Variants in ZNFX1 observed in about 807,000 individuals in gnomAD.
ZNFX1 encodes zinc finger NFX1-type containing 1, also known as NFX1-type zinc finger-containing protein 1.
Under a neutral mutation model 179.8 loss-of-function variants are expected in ZNFX1, and 78 were observed. The ratio of observed to expected loss-of-function variants is 0.43; its 90% CI spans 0.36 to 0.52. ZNFX1 has a LOEUF of 0.52. Among genes scored for constraint, ZNFX1 ranks in the 20% least tolerant of loss-of-function variants. The pLI is 0.00. For synonymous variants in ZNFX1, 848 were observed against 868.5 expected (o/e 0.98, Z 0.42); for missense variants, 1,927 against 2,386.6 (o/e 0.81, Z 4.01).
chr20:49,263,646 T>C (rs1425703508), intron 5 of ZNFX1, among the ~76,000 whole-genome samples, 163 bp from the exon 6 acceptor site: 1 of 152,238 alleles, frequency 6.6e-6, no homozygotes, highest in African/African-American at 2.4e-5. Flanking sequence ...TATTGTGGTC[T>C]TGAAACCAAA....
Position 49,263,338 on chromosome 20 carries a change from A to G in ZNFX1, c.2297T>C (p.Val766Ala). 1 of 1,613,074 alleles carries G rather than the reference A, an allele frequency of 6.2e-7. No individual in the cohort carries two copies. Among genetic ancestry groups the G allele is most frequent in the Non-Finnish European group, 8.5e-7 (1 of 1,180,024 alleles). The change falls in exon 6 of 14, where the codon GTG (valine) becomes GCG (alanine). Residue 766 changes from valine (V) to alanine (A), a missense_variant. Physicochemically the swap from Val to Ala is moderately conservative, Grantham distance 64. Transcript: ENST00000396105. ...GTCCCCCAGGATGACCCCTACCTGC[A>G]CTGGTCCATTCATGAGACTTTCCCA... ...QHWESLMNGPVQDSEWICFQH... is the reference protein window; with the variant it reads ...QHWESLMNGPAQDSEWICFQH...
chr20:49,253,275 T>C (rs1393220959), intron 11 of ZNFX1, among the ~76,000 whole-genome samples: 1 of 152,210 alleles, frequency 6.6e-6, no homozygotes, highest in Non-Finnish European at 1.5e-5. Flanking sequence ...GGGACACCAC[T>C]GGAGGGTTTT....
intron 6 of ZNFX1, among the ~76,000 whole-genome samples, chr20:49,261,750 A>G (rs1981117729): frequency 1.3e-5 from 2 of 150,684 alleles, no homozygotes; most frequent in Admixed American, 6.6e-5. Context: ...GGTTCACACC[A>G]TTCTCCTGCC....
At chr20:49,274,969 A>C (rs866914766) in intron 2 of ZNFX1, among the ~76,000 whole-genome samples, 44 of 145,310 alleles carry the variant, frequency 3.0e-4, no homozygotes, top group Admixed American at 2.1e-4. Flanking sequence ...GAAAATACAA[A>C]AAAATTAGCC....
intron 9 of ZNFX1, among the ~76,000 whole-genome samples, chr20:49,255,334 C>T (rs190012966): frequency 1.6e-3 from 240 of 151,658 alleles, no homozygotes; most frequent in South Asian, 3.3e-3. Context: ...TGAGCTACTG[C>T]GCCCGGCCTC....
chr20:49,270,017 C>T lies in ZNFX1; in HGVS notation c.1795G>A (p.Asp599Asn). 1 of 1,614,184 alleles carries T rather than the reference C, an allele frequency of 6.2e-7. No individual in the cohort carries two copies. The highest frequency in any genetic ancestry group is 8.5e-7 in the Non-Finnish European group (1 of 1,180,028). Reference protein sequence around the residue: ...QWPSKEALKLDDSQMEALQFA... With the variant: ...QWPSKEALKLNDSQMEALQFA... ...TGCAAGGCTTCCATCTGGGAGTCAT[C>T]CAGCTTCAGGGCTTCTTTTGAGGGC... Residue 599 changes from aspartate to asparagine, a missense_variant, in exon 3 of 14, where the codon GAT (aspartate) becomes AAT (asparagine). Transcript: ENST00000396105. The surrounding 1 kb of genome is among the most constrained non-coding windows in gnomAD (Gnocchi z 4.6).
chr20:49,274,795 G>C (rs238188), intron 2 of ZNFX1, among the ~76,000 whole-genome samples: 101,779 of 151,878 alleles, frequency 0.67, 35,008 homozygotes, highest in Non-Finnish European at 0.76. Context: ...AATTTCATCT[G>C]TTTCTTCTTA....
In ZNFX1 at chr20:49,271,190, G is replaced by C; in HGVS notation, c.622C>G (p.Leu208Val). Reference protein sequence around the residue: ...KMDRQSVLHVLGILKNSKFLK... With the variant: ...KMDRQSVLHVVGILKNSKFLK... ...AATTTGGAGTTTTTCAATATGCCCA[G>C]TACATGGAGAACACTCTGGCGATCC... is the stretch of plus-strand genomic sequence containing the variant. The change falls in exon 3 of 14, where the codon CTG (leucine) becomes GTG (valine). Residue 208 changes from leucine to valine, a missense_variant. Coordinates refer to ENST00000396105, the MANE Select transcript of ZNFX1 (RefSeq NM_021035.3). 6.2e-7 allele frequency: 1 copy of C among 1,614,156 alleles called. No homozygotes were observed. Among genetic ancestry groups the C allele is most frequent in the Non-Finnish European group, 8.5e-7 (1 of 1,180,020 alleles).
At chr20:49,250,869 C>T (rs1980819945) in intron 13 of ZNFX1, among the ~76,000 whole-genome samples, 1 of 152,092 alleles carries the variant, frequency 6.6e-6, no homozygotes, top group African/African-American at 2.4e-5. Flanking sequence ...TGCCACCGCA[C>T]CCAGCTAATT....
At chr20:49,258,428 G>C (rs1025393091) in intron 7 of ZNFX1, among the ~76,000 whole-genome samples, 1 of 152,166 alleles carries the variant, frequency 6.6e-6, no homozygotes, top group East Asian at 1.9e-4. Context: ...AAAGGAATGA[G>C]AGGAGAGTTA....
intron 13 of ZNFX1, 98 bp downstream of exon 13, chr20:49,251,429 C>T: frequency 1.8e-6 from 2 of 1,082,350 alleles, no homozygotes; most frequent in Non-Finnish European, 2.7e-6. Context: ...GTGTGAGCCA[C>T]CGCGCCTGGC....
At position 49,248,216 on chromosome 20, in the gene ZNFX1, T is replaced by A. The variant is rs947030558; in HGVS notation, c.4808A>T (p.Tyr1603Phe). Residue 1603 changes from tyrosine to phenylalanine, a missense_variant, in exon 14 of 14, where the codon TAC (tyrosine) becomes TTC (phenylalanine). Physicochemically the swap from Tyr to Phe is conservative, Grantham distance 22. Coordinates refer to ENST00000396105, the MANE Select transcript of ZNFX1 (RefSeq NM_021035.3). This position sits in a 1 kb window ranked among gnomAD's most constrained non-coding sequence, Gnocchi z 4.6. ...HIFEVQALDR[Y>F]MNEQKDDEVA... The stretch of plus-strand genomic sequence containing the variant: ...TTCATCATCCTTCTGTTCATTCATG[T>A]AGCGGTCTAGGGCTTGCACCTCAAA... The A allele has an allele frequency of 1.1e-5, 18 of 1,614,050 alleles. No homozygotes were observed. Among genetic ancestry groups the A allele is most frequent in the Non-Finnish European group, 1.5e-5 (18 of 1,180,036 alleles).
rs575636738 is a variant in ZNFX1 at position 49,249,767 on chromosome 20, T to C, written c.3313-56A>G. 2.6e-6 allele frequency: 4 copies of C among 1,549,272 alleles called. No individual in the cohort carries two copies. In the East Asian group the frequency reaches 9.0e-5, roughly 35 times the overall value. ...GGTTCACTCATGGCACTTGTTTTTT[T>C]CTTCCTCTCTTGACATGCACTGGCC... On this transcript the variant is annotated intron_variant, in intron 13 of 13. Transcript: ENST00000396105.
chr20:49,267,150 C>A (rs1981254652), intron 3 of ZNFX1, among the ~76,000 whole-genome samples: 1 of 152,188 alleles, frequency 6.6e-6, no homozygotes, highest in Non-Finnish European at 1.5e-5. Flanking sequence ...TCCGCCTTGG[C>A]CTCCCAAAGT....
intron 13 of ZNFX1, among the ~76,000 whole-genome samples, chr20:49,250,968 C>T (rs1260510957): frequency 6.6e-6 from 1 of 152,188 alleles, no homozygotes; most frequent in African/African-American, 2.4e-5. Flanking sequence ...CTCGGCCTCA[C>T]AAAGCTCTGG....
chr20:49,271,027 G>A lies in ZNFX1; in HGVS notation c.785C>T (p.Ser262Phe). ...AACCAGCATGGAAGTTTCCTGCACA[G>A]AGCTGGCAGGGAAGACACTTACAAG... is the stretch of plus-strand genomic sequence containing the variant. Reference protein sequence around the residue: ...QDLVSVFPASSVQETSMLVSL... With the variant: ...QDLVSVFPASFVQETSMLVSL... The change falls in exon 3 of 14, where the codon TCT becomes TTT. Residue 262 changes from serine to phenylalanine, a missense_variant. Coordinates refer to ENST00000396105, the MANE Select transcript of ZNFX1 (RefSeq NM_021035.3). The A allele has an allele frequency of 6.2e-7, 1 of 1,614,156 alleles. No individual in the cohort carries two copies. The highest frequency in any genetic ancestry group is 8.5e-7 in the Non-Finnish European group (1 of 1,180,006).
rs150549436 is a variant in ZNFX1, at chr20:49,270,939, C to T, written c.873G>A (p.Thr291=). Residue 291 remains threonine (T), a synonymous_variant, in exon 3 of 14, where the codon ACG becomes ACA. Transcript: ENST00000396105. This position sits in a 1 kb window ranked among gnomAD's most constrained non-coding sequence, Gnocchi z 4.6. Reference sequence around the variant, plus strand: ...TCTGTACCTTTTCCAGGTTCTTCTCCGTTTCCTCTTCTATGTCAACACCAG... The same window carrying T: ...TCTGTACCTTTTCCAGGTTCTTCTCTGTTTCCTCTTCTATGTCAACACCAG... ...RASGVDIEEE[T]EKNLEKVQTI... 3.6e-5 allele frequency: 58 copies of T among 1,614,034 alleles called. No individual in the cohort carries two copies. The highest frequency in any genetic ancestry group is 9.3e-5 in the African/African-American group (7 of 74,912).
chr20:49,268,354 C>G (rs1981295405), intron 3 of ZNFX1, among the ~76,000 whole-genome samples: 1 of 152,166 alleles, frequency 6.6e-6, no homozygotes, highest in Admixed American at 6.5e-5. Context: ...TCACACATCT[C>G]ACTACATTTG....
Position 49,262,573 on chromosome 20 carries a change from GCTT to G in ZNFX1, c.2301+758_2301+760del, listed in dbSNP as rs571964726. ...GTTCTAGTTTGCCACAGTCCTCTCC[GCTT>G]CTTAATATTTCAAATCTAGATTGCT... On this transcript the variant is annotated intron_variant, in intron 6 of 13. Coordinates refer to ENST00000396105, the MANE Select transcript of ZNFX1 (RefSeq NM_021035.3). Among the ~76,000 whole-genome samples the G allele has an allele frequency of 2.2e-4, 33 of 152,200 alleles. 2 individuals are homozygous for G. In the South Asian group the frequency reaches 6.9e-3, roughly 32 times the overall value.
Sources: gnomAD v4.1 joint callset for allele counts (sites outside exome capture counted in the v4.1 genomes callset) on GRCh38, gnomAD v4.1.1 for gene constraint, Gnocchi (gnomAD v3.1) non-coding constraint, MANE v1.5 for transcripts, NCBI Gene and HGNC (gene_info 2026-07-23, HGNC 2026-07-21) for gene names.